Variants in PTPN5 observed in about 807,000 individuals in gnomAD.
PTPN5 encodes the protein tyrosine-protein phosphatase non-receptor type 5.
PTPN5 carries 29 observed loss-of-function variants against 73.9 expected under a neutral mutation model. The ratio of observed to expected loss-of-function variants is 0.39; its 90% CI spans 0.29 to 0.54. The LOEUF is 0.54. PTPN5 is among the 20% of genes least tolerant of loss of function. The pLI, the probability that PTPN5 is intolerant of heterozygous loss-of-function variation, is 0.65. For synonymous variants in PTPN5, 267 were observed against 304.7 expected (o/e 0.88, Z 1.29); for missense variants, 652 against 751.4 (o/e 0.87, Z 1.55).
At chr11:18,788,967 G>A (rs571945653) in intron 1 of PTPN5, among the ~76,000 whole-genome samples, 6 of 152,284 alleles carry the variant, frequency 3.9e-5, no homozygotes, top group East Asian at 1.9e-4. Context: ...TTACGCTAAC[G>A]TACAAAAGGT....
At position 18,729,917 on chromosome 11, in the gene PTPN5, G is replaced by A. The variant is rs761182419; in HGVS notation, c.1330-99C>T. 3 of 1,487,540 alleles carry A rather than the reference G, an allele frequency of 2.0e-6. No individual in the cohort carries two copies. In the Admixed American group the frequency reaches 5.2e-5, roughly 26 times the overall value. 92.1% of individuals were successfully genotyped at this position (1,487,540 alleles called of 1,614,324 possible). On this transcript the variant is annotated intron_variant, in intron 12 of 14. Transcript: ENST00000358540. This position sits in a 1 kb window ranked among gnomAD's most constrained non-coding sequence, Gnocchi z 5.2. Reference sequence around the variant, plus strand: ...ATGAGATGGAAGGAGGAAGAACACAGGAAGAACACTGAGAGTGGGACCCCT... The same window carrying A: ...ATGAGATGGAAGGAGGAAGAACACAAGAAGAACACTGAGAGTGGGACCCCT...
In PTPN5 at chr11:18,733,601, G is replaced by T; in HGVS notation, c.1035C>A (p.Asp345Glu). 1 of 1,614,258 alleles carries T rather than the reference G, an allele frequency of 6.2e-7. No homozygotes were observed. Residue 345 changes from aspartate (D) to glutamate (E), a missense_variant, in exon 10 of 15, where the codon GAC becomes GAA. Around this residue, in one of 3 missense-constraint regions of PTPN5, gnomAD observed 529 missense variants for 573.9 expected, o/e 0.92. Transcript: ENST00000358540. This position sits in a 1 kb window ranked among gnomAD's most constrained non-coding sequence, Gnocchi z 4.3. ...PHSRVCLTSP[D>E]PDDPLSSYIN... is the part of the protein sequence containing the mutation. ...TGTAGGAACTCAGAGGGTCGTCAGG[G>T]TCTGGTGAGGTCAGACACACTCTGC...
rs372798460 is a variant in PTPN5, at chr11:18,729,442, C to T, written c.1604+11G>A. 1.5e-4 allele frequency: 200 copies of T among 1,346,182 alleles called. No individual in the cohort carries two copies. In the African/African-American group the frequency reaches 2.1e-3, roughly 14 times the overall value. 83.4% of individuals were successfully genotyped at this position (1,346,182 alleles called of 1,614,324 possible). ...TCCCTTGTGTGTCCCCACTCCCGCC[C>T]GTGGGCTGACCTGTCCTGACGGAGC... On this transcript the variant is annotated intron_variant, in intron 14 of 14. Transcript: ENST00000358540. The surrounding 1 kb of genome is among the most constrained non-coding windows in gnomAD (Gnocchi z 5.2).
chr11:18,786,352 G>A (rs1272375951), intron 1 of PTPN5, among the ~76,000 whole-genome samples: 3 of 152,096 alleles, frequency 2.0e-5, no homozygotes, highest in Non-Finnish European at 2.9e-5. Context: ...ACAGGCGCCT[G>A]CCACGGCGCC....
At chr11:18,770,657 C>T (rs1019301206) in intron 2 of PTPN5, among the ~76,000 whole-genome samples, 1 of 152,212 alleles carries the variant, frequency 6.6e-6, no homozygotes, top group Non-Finnish European at 1.5e-5. Context: ...TTGGGCAATC[C>T]TTTCTGCGCT....
At chr11:18,762,602 T>C (rs988629547) in intron 3 of PTPN5, among the ~76,000 whole-genome samples, 2 of 152,322 alleles carry the variant, frequency 1.3e-5, no homozygotes, top group African/African-American at 2.4e-5. Context: ...ATTGTCTTCA[T>C]AGCACTTACT....
At chr11:18,735,551 C>T (rs1195557707) in intron 9 of PTPN5, among the ~76,000 whole-genome samples, 2 of 152,092 alleles carry the variant, frequency 1.3e-5, no homozygotes, top group Admixed American at 6.5e-5. Context: ...CGTGGTGGCT[C>T]AAGCCTGTAA....
At chr11:18,745,177 CA>C (rs759720031) in intron 3 of PTPN5, among the ~76,000 whole-genome samples, 3 of 152,170 alleles carry the variant, frequency 2.0e-5, no homozygotes, top group Non-Finnish European at 4.4e-5. Flanking sequence ...AGTTTACTGT[CA>C]AGAAAAGAGG....
Position 18,728,772 on chromosome 11 carries a change from G to A in PTPN5, c.*162C>T. The A allele has an allele frequency of 1.6e-6, 1 of 629,538 alleles. No homozygotes were observed. Among genetic ancestry groups the A allele is most frequent in the Non-Finnish European group, 2.7e-6 (1 of 373,042 alleles). 39.0% of individuals were successfully genotyped at this position (629,538 alleles called of 1,614,324 possible). A position where few individuals can be genotyped will look rare whatever the true frequency, so the allele number is the denominator to read the frequency against. On this transcript the variant is annotated 3_prime_UTR_variant, in exon 15 of 15. Transcript: ENST00000358540. The surrounding 1 kb of genome is among the most constrained non-coding windows in gnomAD (Gnocchi z 4.1). The stretch of plus-strand genomic sequence containing the variant: ...CTCCCCAATATGTACAGTAGGAAGA[G>A]CAATGCTGGAGGGTAGGGGTCAGGC...
chr11:18,759,257 C>G (rs10832980), intron 3 of PTPN5, among the ~76,000 whole-genome samples: 62,840 of 152,186 alleles, frequency 0.41, 14,650 homozygotes, highest in South Asian at 0.59. Flanking sequence ...ATAGAGCACT[C>G]TGTAATAAGC....
intron 3 of PTPN5, among the ~76,000 whole-genome samples, chr11:18,755,188 G>A (rs1393079478): frequency 6.6e-6 from 1 of 152,142 alleles, no homozygotes; most frequent in East Asian, 1.9e-4. Flanking sequence ...TGAGACCTCT[G>A]GCCCAGAGGC....
At chr11:18,780,852 T>C (rs961395388) in intron 1 of PTPN5, among the ~76,000 whole-genome samples, 2 of 152,038 alleles carry the variant, frequency 1.3e-5, no homozygotes, top group African/African-American at 4.8e-5. Context: ...GCTCTTTCCT[T>C]TACACTCAGA....
chr11:18,753,662 T>G (rs532575506), intron 3 of PTPN5, among the ~76,000 whole-genome samples: 35 of 152,294 alleles, frequency 2.3e-4, no homozygotes, highest in Non-Finnish European at 5.1e-4. Flanking sequence ...GGTTCTGCCC[T>G]AGGATGTTAA....
chr11:18,732,401 A>T (rs904659203), intron 12 of PTPN5, among the ~76,000 whole-genome samples, 191 bp downstream of exon 12: 3 of 152,176 alleles, frequency 2.0e-5, no homozygotes, highest in African/African-American at 7.2e-5. Context: ...TGGGAAATGC[A>T]AGGGGTTTGA....
intron 3 of PTPN5, among the ~76,000 whole-genome samples, chr11:18,746,192 T>TATATATGTATATAC (rs550537453): frequency 9.7e-6 from 1 of 102,820 alleles, no homozygotes; most frequent in South Asian, 3.3e-4. Flanking sequence ...TATATATATA[T>TATATATGTATATAC]ACATTTTTTT....
chr11:18,748,320 T>G (rs2134243813), intron 3 of PTPN5, among the ~76,000 whole-genome samples: 1 of 152,290 alleles, frequency 6.6e-6, no homozygotes, highest in East Asian at 1.9e-4. Flanking sequence ...AGGTTAACTG[T>G]CTTGCACATT....
At position 18,732,676 on chromosome 11, in the gene PTPN5, C is replaced by A; in HGVS notation, c.1245G>T (p.Glu415Asp). ...NEKCTEYWPE[E>D]QVAYDGVEIT... Reference sequence around the variant, plus strand: ...TCTCAACACCGTCGTACGCCACCTGCTCCTCCGGCCAATACTCGGTGCATT... The same window carrying A: ...TCTCAACACCGTCGTACGCCACCTGATCCTCCGGCCAATACTCGGTGCATT... Residue 415 changes from glutamate (E) to aspartate (D), a missense_variant, in exon 12 of 15, where the codon GAG (glutamate) becomes GAT (aspartate). Physicochemically the swap from Glu to Asp is conservative, Grantham distance 45 (BLOSUM62 2). Coordinates refer to ENST00000358540, the MANE Select transcript of PTPN5 (RefSeq NM_006906.2). 2 of 1,613,914 alleles carry A rather than the reference C, an allele frequency of 1.2e-6. No homozygotes were observed. The highest frequency in any genetic ancestry group is 1.7e-6 in the Non-Finnish European group (2 of 1,180,034).
chr11:18,750,382 C>T (rs1329841213), intron 3 of PTPN5, among the ~76,000 whole-genome samples: 2 of 152,254 alleles, frequency 1.3e-5, no homozygotes, highest in African/African-American at 2.4e-5. Flanking sequence ...TAGCCACACA[C>T]GAGATGAGAC....
Position 18,733,157 on chromosome 11 carries a change from A to G in PTPN5, c.1218+78T>C, listed in dbSNP as rs1354768651. On this transcript the variant is annotated intron_variant, in intron 11 of 14. Transcript: ENST00000358540. This position sits in a 1 kb window ranked among gnomAD's most constrained non-coding sequence, Gnocchi z 4.3. ...ACCGCCGACCTCTTGAGATTGTCAT[A>G]AAGATTAATTTGAGAACAAGATACT... 34 of 1,555,538 alleles carry G rather than the reference A, an allele frequency of 2.2e-5. No homozygotes were observed. Among genetic ancestry groups the G allele is most frequent in the Non-Finnish European group, 2.8e-5 (32 of 1,144,194 alleles).
Sources: gnomAD v4.1 joint callset for allele counts (sites outside exome capture counted in the v4.1 genomes callset) on GRCh38, gnomAD v4.1.1 for gene constraint, gnomAD v4.1.1 regional missense constraint, Gnocchi (gnomAD v3.1) non-coding constraint, MANE v1.5 for transcripts, NCBI Gene and HGNC (gene_info 2026-07-23, HGNC 2026-07-21) for gene names.